APPBP2: variants seen among roughly 807,000 people sequenced by gnomAD.
APPBP2 encodes the protein amyloid protein-binding protein 2.
APPBP2 carries 15 observed loss-of-function variants against 76.0 expected under a neutral mutation model. That is an observed-to-expected ratio of 0.20 (90% CI 0.13 to 0.30). APPBP2 has a LOEUF of 0.30. Among genes scored for constraint, APPBP2 ranks in the 10% least tolerant of loss-of-function variants. The pLI is 1.00. For missense variants in APPBP2, 401 were observed against 687.2 expected (o/e 0.58, Z 4.66); for synonymous variants, 222 against 242.2 (o/e 0.92, Z 0.77).
chr17:60,483,345 T>G (rs954162139), intron 3 of APPBP2, among the ~76,000 whole-genome samples: 3 of 152,154 alleles, frequency 2.0e-5, no homozygotes, highest in African/African-American at 7.2e-5. Context: ...GTCAGATAGG[T>G]AGATTGCAAA....
At chr17:60,510,355 A>T (rs2090901825) in intron 1 of APPBP2, among the ~76,000 whole-genome samples, 1 of 152,156 alleles carries the variant, frequency 6.6e-6, no homozygotes, top group Admixed American at 6.5e-5. Context: ...GTGAGTCATG[A>T]TTATACCACT....
Position 60,454,373 on chromosome 17 carries a change from C to T in APPBP2, c.1267G>A (p.Glu423Lys). 3.7e-6 allele frequency: 6 copies of T among 1,611,930 alleles called. No homozygotes were observed. The highest frequency in any genetic ancestry group is 5.1e-6 in the Non-Finnish European group (6 of 1,178,990). Residue 423 changes from glutamate to lysine, a missense_variant, in exon 11 of 13, where the codon GAA becomes AAA. Coordinates refer to ENST00000083182, the MANE Select transcript of APPBP2 (RefSeq NM_006380.5). ...SLQLAKKAFGEFNVQTAKHYG... is the reference protein window; with the variant it reads ...SLQLAKKAFGKFNVQTAKHYG... ...TGTTTTGCAGTCTGTACATTAAATT[C>T]CCCAAAAGCTTTTTTAGCTAGTTGG... is the stretch of plus-strand genomic sequence containing the variant.
rs199690073 is a variant in APPBP2, at chr17:60,518,836, CTTT to C, written c.138+6955_138+6957del. On this transcript the variant is annotated intron_variant, in intron 1 of 12. Transcript: ENST00000083182. ...TTAATGCATTCCAACACATCAATTT[CTTT>C]TTTTTCCTTCTGGGCTTTGGTTTCA... Among the ~76,000 whole-genome samples, 1,472 of 151,926 alleles carry C rather than the reference CTTT, an allele frequency of 9.7e-3. 16 individuals carry two copies. Among genetic ancestry groups the C allele is most frequent in the African/African-American group, 0.032 (1,334 of 41,470 alleles).
intron 1 of APPBP2, among the ~76,000 whole-genome samples, chr17:60,503,479 A>G (rs2090839674): frequency 6.9e-6 from 1 of 144,830 alleles, no homozygotes; most frequent in Non-Finnish European, 1.5e-5. Context: ...TCCACCTCTC[A>G]GGTTCAAGTG....
At chr17:60,455,934 C>A (rs1263079011) in intron 10 of APPBP2, among the ~76,000 whole-genome samples, 1 of 152,188 alleles carries the variant, frequency 6.6e-6, no homozygotes, top group South Asian at 2.1e-4. Flanking sequence ...CACGCCACCA[C>A]ATCCGGCTAA....
At chr17:60,483,580 A>C (rs1282516052) in intron 3 of APPBP2, among the ~76,000 whole-genome samples, 2 of 152,020 alleles carry the variant, frequency 1.3e-5, no homozygotes, top group Non-Finnish European at 2.9e-5. Context: ...TTTTTAGTAG[A>C]GACGGGGTTT....
chr17:60,505,672 T>C (rs1384725750), intron 1 of APPBP2, among the ~76,000 whole-genome samples: 3 of 139,204 alleles, frequency 2.2e-5, no homozygotes, highest in Non-Finnish European at 3.1e-5. Flanking sequence ...ACCTGACCCC[T>C]GCGGTTTTTT....
chr17:60,498,037 G>GT (rs1447926369), intron 2 of APPBP2, among the ~76,000 whole-genome samples: 1 of 151,892 alleles, frequency 6.6e-6, no homozygotes, highest in Non-Finnish European at 1.5e-5. Context: ...CTACTTGGGA[G>GT]TATCACCTGA....
At position 60,447,837 on chromosome 17, in the gene APPBP2, G is replaced by A; in HGVS notation, c.1505-3C>T. Reference sequence around the variant, plus strand: ...GCCCTCACCAAAAAGTTTCTTCCCTGTAACAAAAAAGAAAAAGGAAAAAAA... The same window carrying A: ...GCCCTCACCAAAAAGTTTCTTCCCTATAACAAAAAAGAAAAAGGAAAAAAA... On this transcript the variant is annotated splice_polypyrimidine_tract_variant and splice_region_variant and intron_variant, in intron 12 of 12. Transcript: ENST00000083182. 6 of 1,515,292 alleles carry A rather than the reference G, an allele frequency of 4.0e-6. No homozygotes were observed. The highest frequency in any genetic ancestry group is 2.4e-5 in the East Asian group (1 of 42,064). The allele number at this position is 1,515,292 out of a possible 1,614,324, so 93.9% of individuals were successfully genotyped here.
intron 2 of APPBP2, among the ~76,000 whole-genome samples, chr17:60,495,439 A>ATTTATTATTTAT (rs910525112): frequency 3.7e-5 from 5 of 136,588 alleles, no homozygotes; most frequent in Admixed American, 1.5e-4. Flanking sequence ...TTATTTATTT[A>ATTTATTATTTAT]TTATTTATTT....
At chr17:60,517,270 TG>T (rs1304956611) in intron 1 of APPBP2, among the ~76,000 whole-genome samples, 1 of 152,094 alleles carries the variant, frequency 6.6e-6, no homozygotes, top group African/African-American at 2.4e-5. Context: ...GCCACCATGT[TG>T]GGCCTTTTCT....
At chr17:60,460,142 A>AG (rs2090466055) in intron 9 of APPBP2, 1 of 152,340 alleles carries the variant, frequency 6.6e-6, no homozygotes, top group Non-Finnish European at 1.5e-5. Flanking sequence ...GCATGAAAAT[A>AG]TACAAGTCTC....
chr17:60,522,474 C>A (rs1044852599), intron 1 of APPBP2, among the ~76,000 whole-genome samples: 17 of 152,120 alleles, frequency 1.1e-4, no homozygotes, highest in African/African-American at 3.9e-4. Context: ...CAGGCATGCA[C>A]CACCATGCCT....
At chr17:60,490,747 T>C (rs577750202) in intron 3 of APPBP2, among the ~76,000 whole-genome samples, 3 of 152,180 alleles carry the variant, frequency 2.0e-5, no homozygotes, top group African/African-American at 7.2e-5. Context: ...TCCCCAATAC[T>C]GTTCTTGTGG....
chr17:60,452,392 C>T (rs1164747656), intron 11 of APPBP2, among the ~76,000 whole-genome samples: 1 of 152,204 alleles, frequency 6.6e-6, no homozygotes, highest in East Asian at 1.9e-4. Flanking sequence ...ACAAAAATTA[C>T]TTCCTTTGGT....
At chr17:60,455,815 T>C (rs2090426987) in intron 10 of APPBP2, among the ~76,000 whole-genome samples, 1 of 152,182 alleles carries the variant, frequency 6.6e-6, no homozygotes, top group East Asian at 1.9e-4. Flanking sequence ...TCTCGTTCTG[T>C]TGCCTAGGCT....
At chr17:60,504,807 C>CA (rs2090853665) in intron 1 of APPBP2, among the ~76,000 whole-genome samples, 1 of 152,114 alleles carries the variant, frequency 6.6e-6, no homozygotes, top group South Asian at 2.1e-4. Context: ...GTCTCAAAAA[C>CA]AACCAACCAA....
rs78021277 is a variant in APPBP2 at position 60,522,194 on chromosome 17, C to A, written c.138+3600G>T. Among the ~76,000 whole-genome samples, 1,511 of 152,316 alleles carry A rather than the reference C, an allele frequency of 9.9e-3. 17 individuals carry two copies. The highest frequency in any genetic ancestry group is 0.017 in the Non-Finnish European group (1,133 of 68,016). ...TTTTTAGTCACCTTCCCTTCTCATA[C>A]ACCTCAGTAGACATTCCCAACTTCT... On this transcript the variant is annotated intron_variant, in intron 1 of 12. Transcript: ENST00000083182.
At chr17:60,503,773 T>C (rs745540047) in intron 1 of APPBP2, among the ~76,000 whole-genome samples, 1 of 146,920 alleles carries the variant, frequency 6.8e-6, no homozygotes, top group Non-Finnish European at 1.5e-5. Context: ...TGTCAGGCAC[T>C]GTTGTCAGTG....
Sources: gnomAD v4.1 joint callset for allele counts (sites outside exome capture counted in the v4.1 genomes callset) on GRCh38, gnomAD v4.1.1 for gene constraint, MANE v1.5 for transcripts, NCBI Gene and HGNC (gene_info 2026-07-23, HGNC 2026-07-21) for gene names.